The following PPP1R21 variants were observed in gnomAD, a reference collection of about 807,000 sequenced individuals.
PPP1R21 encodes protein phosphatase 1 regulatory subunit 21, also known as KLRAQ motif containing 1.
In PPP1R21, 85 loss-of-function variants were observed where a neutral mutation model predicts 112.8. The observed-to-expected ratio is 0.75, with a 90% CI of 0.63 to 0.90. The LOEUF (loss-of-function observed/expected upper bound fraction) is 0.90, where lower values mean the gene tolerates loss of function less well. PPP1R21 is among the 40% of genes least tolerant of loss of function. The probability of loss-of-function intolerance (pLI) is 0.00; values close to 1 mark genes in which losing one functional copy is unlikely to be tolerated. For synonymous variants in PPP1R21, 381 were observed against 322.3 expected (o/e 1.18, Z -1.95); for missense variants, 1,199 against 901.5 (o/e 1.33, Z -4.23).
intron 15 of PPP1R21, among the ~76,000 whole-genome samples, chr2:48,491,392 C>CA (rs1251099616): frequency 7.2e-5 from 11 of 152,082 alleles, no homozygotes; most frequent in African/African-American, 2.7e-4. Context: ...ATGTTGGACT[C>CA]ATGTCCCAAG....
intron 14 of PPP1R21, among the ~76,000 whole-genome samples, chr2:48,489,248 A>G (rs1332982230): frequency 6.6e-6 from 1 of 152,126 alleles, no homozygotes; most frequent in African/African-American, 2.4e-5. Flanking sequence ...AGCATTTCAT[A>G]TAGCACTGAA....
chr2:48,460,061 A>G, intron 5 of PPP1R21, 34 bp from the exon 6 acceptor site: 1 of 1,612,852 alleles, frequency 6.2e-7, no homozygotes, highest in Non-Finnish European at 8.5e-7. Flanking sequence ...TCGTAGCCTG[A>G]GCCATCTGTG....
chr2:48,446,997 C>G (rs1027537635), intron 1 of PPP1R21, among the ~76,000 whole-genome samples: 1 of 152,114 alleles, frequency 6.6e-6, no homozygotes, highest in South Asian at 2.1e-4. Context: ...GTGATCTGCC[C>G]GCCTCAGCCT....
chr2:48,468,904 C>T lies in PPP1R21; in HGVS notation c.898-2183C>T, dbSNP rs1668329879. 6.0e-5 allele frequency among the ~76,000 whole-genome samples: 9 copies of T among 150,896 alleles called. No individual in the cohort carries two copies. In the South Asian group the frequency reaches 1.9e-3, roughly 32 times the overall value. On this transcript the variant is annotated intron_variant, in intron 9 of 21. Coordinates refer to ENST00000294952, the MANE Select transcript of PPP1R21 (RefSeq NM_001135629.3). ...ATATATATGTATAAGTCCGTCTTCA[C>T]GCTGCTGATAAAGACTTGAAAGACG...
intron 9 of PPP1R21, among the ~76,000 whole-genome samples, chr2:48,468,243 T>C (rs2103832397): frequency 6.6e-6 from 1 of 152,326 alleles, no homozygotes; most frequent in East Asian, 1.9e-4. Flanking sequence ...CTAAAAACAG[T>C]GCGTGGCATG....
chr2:48,474,038 CTG>C (rs1668635941), intron 11 of PPP1R21, among the ~76,000 whole-genome samples: 1 of 152,104 alleles, frequency 6.6e-6, no homozygotes, highest in Non-Finnish European at 1.5e-5. Flanking sequence ...GGAATTTAGT[CTG>C]TGAAAATTTT....
chr2:48,511,105 C>G (rs951065190), intron 20 of PPP1R21, among the ~76,000 whole-genome samples: 1 of 152,016 alleles, frequency 6.6e-6, no homozygotes, highest in Non-Finnish European at 1.5e-5. Flanking sequence ...TATTTTGATA[C>G]CTTTGTACAG....
chr2:48,440,820 C>G lies in PPP1R21; in HGVS notation c.-134C>G. The G allele has an allele frequency of 1.5e-6, 1 of 663,004 alleles. No individual in the cohort carries two copies. Among genetic ancestry groups the G allele is most frequent in the South Asian group, 1.7e-5 (1 of 57,178 alleles). 41.1% of individuals were successfully genotyped at this position (663,004 alleles called of 1,614,324 possible). ...GGAAGTGGAGGAGGAGGCGCGGCGG[C>G]GGCGGCGGCGGCGGCTGCGGTGGCC... On this transcript the variant is annotated 5_prime_UTR_variant, in exon 1 of 22. Coordinates refer to ENST00000294952, the MANE Select transcript of PPP1R21 (RefSeq NM_001135629.3).
chr2:48,482,298 C>G (rs1433838417), intron 13 of PPP1R21, among the ~76,000 whole-genome samples: 1 of 152,192 alleles, frequency 6.6e-6, no homozygotes, highest in Non-Finnish European at 1.5e-5. Context: ...AGGAGGCAGA[C>G]AAATCCACTT....
intron 14 of PPP1R21, among the ~76,000 whole-genome samples, chr2:48,489,506 C>G (rs1035127991): frequency 6.6e-6 from 1 of 150,910 alleles, no homozygotes; most frequent in Non-Finnish European, 1.5e-5. Flanking sequence ...CCATGCCTGG[C>G]TAATTTTTCA....
intron 17 of PPP1R21, among the ~76,000 whole-genome samples, chr2:48,499,899 A>G (rs1239040979): frequency 6.6e-6 from 1 of 152,272 alleles, no homozygotes; most frequent in Non-Finnish European, 1.5e-5. Context: ...ATCAGGAAGG[A>G]AAAACCCTAA....
At chr2:48,443,817 G>A (rs1040187908) in intron 1 of PPP1R21, among the ~76,000 whole-genome samples, 3 of 151,908 alleles carry the variant, frequency 2.0e-5, no homozygotes, top group African/African-American at 4.8e-5. Flanking sequence ...TACAAGTTTC[G>A]TGGGCTGATA....
intron 3 of PPP1R21, 25 bp downstream of exon 3, chr2:48,454,766 G>A: frequency 6.3e-7 from 1 of 1,589,476 alleles, no homozygotes; most frequent in Non-Finnish European, 8.6e-7. Flanking sequence ...AGGCAAGTTA[G>A]TGTGACCTTG....
At chr2:48,441,835 T>C (rs1667044671) in intron 1 of PPP1R21, among the ~76,000 whole-genome samples, 1 of 152,220 alleles carries the variant, frequency 6.6e-6, no homozygotes, top group South Asian at 2.1e-4. Flanking sequence ...TCAACAGTCA[T>C]TAAGCTTAGT....
At chr2:48,494,217 G>T (rs866125056) in intron 15 of PPP1R21, among the ~76,000 whole-genome samples, 2 of 111,322 alleles carry the variant, frequency 1.8e-5, no homozygotes, top group African/African-American at 7.2e-5. Flanking sequence ...CCAGCCCAGG[G>T]CGACAAAGTG....
chr2:48,485,916 A>ATAT, intron 13 of PPP1R21, among the ~76,000 whole-genome samples: 1 of 145,532 alleles, frequency 6.9e-6, no homozygotes, highest in African/African-American at 2.5e-5. Context: ...TGTATATACT[A>ATAT]ACTAATATAT....
At chr2:48,468,116 G>C (rs1240489373) in intron 9 of PPP1R21, among the ~76,000 whole-genome samples, 1 of 152,130 alleles carries the variant, frequency 6.6e-6, no homozygotes, top group Non-Finnish European at 1.5e-5. Flanking sequence ...ATGTCCTCTT[G>C]GGAAATATAC....
chr2:48,501,122 T>A (rs910731447), intron 17 of PPP1R21, among the ~76,000 whole-genome samples: 30 of 152,146 alleles, frequency 2.0e-4, no homozygotes, highest in Non-Finnish European at 3.5e-4. Flanking sequence ...ATATCAGTGG[T>A]TTAGCATTTA....
rs1381385103 is a variant in PPP1R21 at position 48,515,212 on chromosome 2, A to G, written c.*468A>G. 3.0e-5 allele frequency: 1 copy of G among 33,150 alleles called. No homozygotes were observed. Among genetic ancestry groups the G allele is most frequent in the Non-Finnish European group, 6.2e-5 (1 of 16,228 alleles). 2.1% of individuals were successfully genotyped at this position (33,150 alleles called of 1,614,324 possible). A position where few individuals can be genotyped will look rare whatever the true frequency, so the allele number is the denominator to read the frequency against. ...CAGATTCTTTTTAAAAGATTTGTTCATATTTCTCTCTCTCTCTCTCTCTCT... is the reference window on the plus strand; with the variant it reads ...CAGATTCTTTTTAAAAGATTTGTTCGTATTTCTCTCTCTCTCTCTCTCTCT... On this transcript the variant is annotated 3_prime_UTR_variant, in exon 22 of 22. Coordinates refer to ENST00000294952, the MANE Select transcript of PPP1R21 (RefSeq NM_001135629.3).
Sources: gnomAD v4.1 joint callset for allele counts (sites outside exome capture counted in the v4.1 genomes callset) on GRCh38, gnomAD v4.1.1 for gene constraint, MANE v1.5 for transcripts, NCBI Gene and HGNC (gene_info 2026-07-23, HGNC 2026-07-21) for gene names.